The following GREM1 variants were observed in gnomAD, a reference collection of about 807,000 sequenced individuals.
The protein encoded by GREM1 is gremlin 1, DAN family BMP antagonist.
A neutral mutation model predicts 13.1 loss-of-function variants in GREM1; 6 were observed. That is an observed-to-expected ratio of 0.46 (90% CI 0.25 to 0.91). The LOEUF is 0.91. Among genes scored for constraint, GREM1 ranks in the 40% least tolerant of loss-of-function variants. The pLI is 0.18. For synonymous variants in GREM1, 98 were observed against 93.7 expected, an observed-to-expected ratio of 1.05 and a Z score of -0.27; for missense variants, 185 against 233.9, an observed-to-expected ratio of 0.79 and a Z score of 1.36.
intron 1 of GREM1, among the ~76,000 whole-genome samples, chr15:32,721,181 CA>C (rs907556916): frequency 1.3e-5 from 2 of 151,366 alleles, no homozygotes; most frequent in African/African-American, 4.9e-5. Flanking sequence ...AACAAACAAA[CA>C]AAAAAATGCT....
Position 32,738,843 on chromosome 15 carries a change from C to T in GREM1, c.*7598C>T, listed in dbSNP as rs1237938626. On this transcript the variant is annotated 3_prime_UTR_variant, in exon 2 of 2. Coordinates refer to ENST00000651154, the MANE Select transcript of GREM1 (RefSeq NM_013372.7). ...GGAATTAGCCAGGTGTGGTAACATG[C>T]ACCTGTTGTCCCAGCTACTTAGGAG... 1 of 152,076 alleles carries T rather than the reference C, an allele frequency of 6.6e-6. No homozygotes were observed. Among genetic ancestry groups the T allele is most frequent in the Non-Finnish European group, 1.5e-5 (1 of 68,022 alleles). The allele number at this position is 152,076 out of a possible 1,614,324, so 9.4% of individuals were successfully genotyped here. A position where few individuals can be genotyped will look rare whatever the true frequency, so the allele number is the denominator to read the frequency against.
rs1190459895 is a variant in GREM1, at chr15:32,731,220, G to A, written c.530G>A (p.Arg177His). Residue 177 changes from arginine to histidine, a missense_variant, in exon 2 of 2, where the codon CGT becomes CAT. By Grantham distance (29) the Arg-to-His change is conservative (BLOSUM62 0). Transcript: ENST00000651154. The stretch of plus-strand genomic sequence containing the variant: ...AGAGTCACACGTGTGAAGCAGTGTC[G>A]TTGCATATCCATCGATTTGGATTAA... Reference protein sequence around the residue: ...KKRVTRVKQCRCISIDLD With the variant: ...KKRVTRVKQCHCISIDLD The A allele has an allele frequency of 2.5e-6, 4 of 1,613,654 alleles. No homozygotes were observed. Among genetic ancestry groups the A allele is most frequent in the East Asian group, 2.2e-5 (1 of 44,872 alleles).
Position 32,738,117 on chromosome 15 carries a change from A to AT in GREM1, c.*6872_*6873insT, listed in dbSNP as rs1567117510. On this transcript the variant is annotated 3_prime_UTR_variant, in exon 2 of 2. Transcript: ENST00000651154. ...AAAAAAAAAAAAAAAAAAAAAAAAA[A>AT]AAAAAAAAAAAAAAAAGAAAAGAAA... is the stretch of plus-strand genomic sequence containing the variant. 7.7e-6 allele frequency: 1 copy of AT among 130,528 alleles called. No homozygotes were observed. Among genetic ancestry groups the AT allele is most frequent in the Admixed American group, 8.1e-5 (1 of 12,378 alleles). The allele number at this position is 130,528 out of a possible 1,614,324, so 8.1% of individuals were successfully genotyped here.
intron 1 of GREM1, among the ~76,000 whole-genome samples, chr15:32,721,047 T>C (rs148993122): frequency 7.5e-4 from 114 of 152,202 alleles, no homozygotes; most frequent in Non-Finnish European, 1.3e-3. Context: ...TCCCAGCTAC[T>C]TGGGAGGCTG....
Position 32,730,899 on chromosome 15 carries a change from G to A in GREM1, c.209G>A (p.Gly70Glu). ...RGQGRGTAMP[G>E]EEVLESSQEA... Reference sequence around the variant, plus strand: ...CAAGGGCGGGGCACTGCCATGCCCGGGGAGGAGGTGCTGGAGTCCAGCCAA... The same window carrying A: ...CAAGGGCGGGGCACTGCCATGCCCGAGGAGGAGGTGCTGGAGTCCAGCCAA... Residue 70 changes from glycine (G) to glutamate (E), a missense_variant, in exon 2 of 2, where the codon GGG becomes GAG. Gly to Glu is a moderately conservative substitution (Grantham distance 98). Transcript: ENST00000651154. 6.2e-7 allele frequency: 1 copy of A among 1,613,714 alleles called. No homozygotes were observed. Among genetic ancestry groups the A allele is most frequent in the Non-Finnish European group, 8.5e-7 (1 of 1,179,844 alleles).
intron 1 of GREM1, among the ~76,000 whole-genome samples, chr15:32,720,633 C>T (rs1190086500): frequency 6.6e-6 from 1 of 152,238 alleles, no homozygotes; most frequent in Non-Finnish European, 1.5e-5. Flanking sequence ...TTAGTTTTAA[C>T]ATATGCTCTT....
rs1190804399 is a variant in GREM1 at position 32,721,155 on chromosome 15, C to CA, written c.-2+3001dup. ...TGGGCAACACGAGTGAAAACTCCGT[C>CA]AAAAAAACAAAACAAAACAAACAAA... On this transcript the variant is annotated intron_variant, in intron 1 of 1. Transcript: ENST00000651154. 2.6e-5 allele frequency among the ~76,000 whole-genome samples: 4 copies of CA among 151,356 alleles called. No individual in the cohort carries two copies. In the East Asian group the frequency reaches 6.1e-4, roughly 23 times the overall value.
rs113824950 is a variant in GREM1 at position 32,744,864 on chromosome 15, C to G, written c.*13619C>G. ...CTGTGCCACAGAAGGAGCTGTTGCA[C>G]TATTCATTCCCGTTTCCTCCCATTC... On this transcript the variant is annotated 3_prime_UTR_variant, in exon 2 of 2. Transcript: ENST00000651154. The G allele has an allele frequency of 6.6e-6, 1 of 152,138 alleles. No individual in the cohort carries two copies. Among genetic ancestry groups the G allele is most frequent in the African/African-American group, 2.4e-5 (1 of 41,430 alleles). 9.4% of individuals were successfully genotyped at this position (152,138 alleles called of 1,614,324 possible).
intron 1 of GREM1, among the ~76,000 whole-genome samples, chr15:32,720,986 G>A (rs552337086): frequency 9.2e-5 from 14 of 152,132 alleles, no homozygotes; most frequent in Non-Finnish European, 1.3e-4. Flanking sequence ...GAAAAATCCC[G>A]TCTCTACTAA....
At chr15:32,730,669 C>T (rs900035234) in intron 1 of GREM1, 21 bp from the exon 2 acceptor site, 2 of 1,500,780 alleles carry the variant, frequency 1.3e-6, no homozygotes, top group Non-Finnish European at 8.9e-7. Flanking sequence ...GTCTTCCCCT[C>T]TCTGTGCTTC....
chr15:32,718,718 G>C, intron 1 of GREM1: 1 of 349,912 alleles, frequency 2.9e-6, no homozygotes, highest in South Asian at 2.1e-5. Context: ...ATGGAGACTG[G>C]CAAGGGCAGA....
chr15:32,719,073 C>G (rs1290669943), intron 1 of GREM1: 1 of 153,748 alleles, frequency 6.5e-6, no homozygotes, highest in Non-Finnish European at 1.4e-5. Context: ...GCGGCTGAGG[C>G]GGGTTGGCGG....
At chr15:32,722,368 C>A (rs2055422037) in intron 1 of GREM1, among the ~76,000 whole-genome samples, 1 of 152,128 alleles carries the variant, frequency 6.6e-6, no homozygotes, top group South Asian at 2.1e-4. Flanking sequence ...AGGAACTGAC[C>A]AGAAGTCCAT....
In GREM1 at chr15:32,718,112, C is replaced by T. The variant is rs1446029542; in HGVS notation, c.-51C>T. The T allele has an allele frequency of 7.9e-6, 10 of 1,272,092 alleles. No individual in the cohort carries two copies. The East Asian group carries it at 2.9e-4, about 37-fold the overall frequency. The allele number at this position is 1,272,092 out of a possible 1,614,324, so 78.8% of individuals were successfully genotyped here. A position where few individuals can be genotyped will look rare whatever the true frequency, so the allele number is the denominator to read the frequency against. On this transcript the variant is annotated 5_prime_UTR_variant, in exon 1 of 2. Transcript: ENST00000651154. The stretch of plus-strand genomic sequence containing the variant: ...CGGCGGCTCTGGCCGCGGCCGCACT[C>T]AGCGCCACGCGTCGAAAGCGCAGGC...
intron 1 of GREM1, among the ~76,000 whole-genome samples, chr15:32,729,084 C>T (rs867538919): frequency 3.3e-5 from 5 of 151,352 alleles, no homozygotes; most frequent in African/African-American, 4.9e-5. Flanking sequence ...AGTGCAGTGG[C>T]GCGATCTCGG....
At chr15:32,722,298 CT>C (rs1178244209) in intron 1 of GREM1, among the ~76,000 whole-genome samples, 1 of 152,220 alleles carries the variant, frequency 6.6e-6, no homozygotes, top group Non-Finnish European at 1.5e-5. Context: ...ATTTCTTATG[CT>C]GAGAGAATAA....
intron 1 of GREM1, among the ~76,000 whole-genome samples, chr15:32,729,047 A>G (rs574432508): frequency 2.7e-4 from 40 of 149,944 alleles, no homozygotes; most frequent in Non-Finnish European, 5.0e-4. Flanking sequence ...TTTTTGAGAC[A>G]GAGTCTCGCT....
Position 32,731,230 on chromosome 15 carries a change from C to G in GREM1, c.540C>G (p.Ser180=), listed in dbSNP as rs771216139. The G allele has an allele frequency of 6.2e-7, 1 of 1,613,264 alleles. No homozygotes were observed. Among genetic ancestry groups the G allele is most frequent in the Non-Finnish European group, 8.5e-7 (1 of 1,179,484 alleles). The change falls in exon 2 of 2, where the codon TCC becomes TCG. Residue 180 remains serine (S), a synonymous_variant. Coordinates refer to ENST00000651154, the MANE Select transcript of GREM1 (RefSeq NM_013372.7). The stretch of plus-strand genomic sequence containing the variant: ...GTGTGAAGCAGTGTCGTTGCATATC[C>G]ATCGATTTGGATTAAGCCAAATCCA... ...VTRVKQCRCI[S]IDLD is the part of the protein sequence containing the mutation.
chr15:32,730,723 G>C lies in GREM1; in HGVS notation c.33G>C (p.Leu11=), dbSNP rs1054066828. The change falls in exon 2 of 2, where the codon CTG becomes CTC. Residue 11 remains leucine (L), a synonymous_variant. Coordinates refer to ENST00000651154, the MANE Select transcript of GREM1 (RefSeq NM_013372.7). ...GCACAGCCTACACGGTGGGAGCCCT[G>C]CTTCTCCTCTTGGGGACCCTGCTGC... is the stretch of plus-strand genomic sequence containing the variant. MSRTAYTVGA[L]LLLLGTLLPA... The C allele has an allele frequency of 6.3e-7, 1 of 1,583,284 alleles. No homozygotes were observed. The highest frequency in any genetic ancestry group is 2.2e-5 in the East Asian group (1 of 44,786).
Sources: allele counts gnomAD v4.1 joint callset (sites outside exome capture counted in the v4.1 genomes callset), GRCh38; gene constraint gnomAD v4.1.1; transcripts MANE v1.5; gene names NCBI Gene and HGNC (gene_info 2026-07-23, HGNC 2026-07-21).